NECTIN2: variants seen among roughly 807,000 people sequenced by gnomAD.
NECTIN2 encodes the protein nectin-2.
Under a neutral mutation model 56.9 loss-of-function variants are expected in NECTIN2, and 23 were observed. The observed-to-expected ratio is 0.40, with a 90% CI of 0.29 to 0.57. The LOEUF is 0.57. NECTIN2 is among the 20% of genes least tolerant of loss of function. The probability of loss-of-function intolerance (pLI) is 0.38; values close to 1 mark genes in which losing one functional copy is unlikely to be tolerated. For missense variants in NECTIN2, 587 were observed against 718.3 expected (o/e 0.82, Z 2.09); for synonymous variants, 302 against 313.8 (o/e 0.96, Z 0.40).
At chr19:44,864,568 C>A (rs1188335287) in intron 1 of NECTIN2, among the ~76,000 whole-genome samples, 2 of 152,116 alleles carry the variant, frequency 1.3e-5, no homozygotes, top group Non-Finnish European at 2.9e-5. Context: ...CGCCTGTAAT[C>A]CCAGCACTTT....
intron 1 of NECTIN2, among the ~76,000 whole-genome samples, chr19:44,851,439 C>T (rs928713934): frequency 6.6e-6 from 1 of 152,148 alleles, no homozygotes; most frequent in Non-Finnish European, 1.5e-5. Context: ...CCTCCTTTCT[C>T]AGACCCAGGA....
Position 44,874,002 on chromosome 19 carries a change from A to T in NECTIN2, c.862A>T (p.Asn288Tyr). 5 of 1,613,932 alleles carry T rather than the reference A, an allele frequency of 3.1e-6. No homozygotes were observed. The highest frequency in any genetic ancestry group is 4.2e-6 in the Non-Finnish European group (5 of 1,179,964). The change falls in exon 4 of 9, where the codon AAC (asparagine) becomes TAC (tyrosine). Residue 288 changes from asparagine (N) to tyrosine (Y), a missense_variant. By Grantham distance (143) the Asn-to-Tyr change is moderately radical. Transcript: ENST00000252483. This position sits in a 1 kb window ranked among gnomAD's most constrained non-coding sequence, Gnocchi z 6.3. ...DATLSCDVRS[N>Y]PEPTGYDWST... Reference sequence around the variant, plus strand: ...CACCCTGAGCTGTGACGTCCGCAGCAACCCAGAGCCCACGGGCTATGACTG... The same window carrying T: ...CACCCTGAGCTGTGACGTCCGCAGCTACCCAGAGCCCACGGGCTATGACTG...
At chr19:44,869,469 T>A (rs1158770023) in intron 2 of NECTIN2, among the ~76,000 whole-genome samples, 77 of 151,226 alleles carry the variant, frequency 5.1e-4, no homozygotes, top group Admixed American at 5.1e-3. Flanking sequence ...GGCGGGTGCC[T>A]GTAGTCCCAG....
At chr19:44,851,204 A>G (rs1968895571) in intron 1 of NECTIN2, among the ~76,000 whole-genome samples, 1 of 144,212 alleles carries the variant, frequency 6.9e-6, no homozygotes, top group African/African-American at 2.6e-5. Context: ...CCAGGCCACC[A>G]GTGCTTCCTC....
chr19:44,871,538 ATAAAG>A (rs1969174356), intron 2 of NECTIN2, among the ~76,000 whole-genome samples: 1 of 152,230 alleles, frequency 6.6e-6, no homozygotes, highest in African/African-American at 2.4e-5. Context: ...TAAAAAATAA[ATAAAG>A]TAAAATAAAA....
intron 1 of NECTIN2, among the ~76,000 whole-genome samples, chr19:44,850,609 T>C (rs1293580758): frequency 2.6e-5 from 4 of 152,122 alleles, no homozygotes; most frequent in African/African-American, 9.6e-5. Flanking sequence ...CACACCACAG[T>C]ACTCCACCCT....
In NECTIN2 at chr19:44,874,170, G is replaced by A. The variant is rs1969209643; in HGVS notation, c.893+137G>A. 1.6e-6 allele frequency: 2 copies of A among 1,225,390 alleles called. No homozygotes were observed. The allele number at this position is 1,225,390 out of a possible 1,614,324, so 75.9% of individuals were successfully genotyped here. Reference sequence around the variant, plus strand: ...GGAGGGGCTGGGCCTAAATTCCTAAGTCCTCCAGGATGAAGGGAGCTTGCA... The same window carrying A: ...GGAGGGGCTGGGCCTAAATTCCTAAATCCTCCAGGATGAAGGGAGCTTGCA... On this transcript the variant is annotated intron_variant, in intron 4 of 8. Coordinates refer to ENST00000252483, the MANE Select transcript of NECTIN2 (RefSeq NM_001042724.2). This position sits in a 1 kb window ranked among gnomAD's most constrained non-coding sequence, Gnocchi z 6.3.
chr19:44,862,449 C>T (rs1434341687), intron 1 of NECTIN2, among the ~76,000 whole-genome samples: 1 of 143,378 alleles, frequency 7.0e-6, no homozygotes, highest in African/African-American at 2.6e-5. Context: ...GAAACCTGCA[C>T]ATGTATCCTG....
chr19:44,866,121 G>T (rs748786611), intron 2 of NECTIN2, among the ~76,000 whole-genome samples: 6 of 151,866 alleles, frequency 4.0e-5, no homozygotes, highest in Non-Finnish European at 8.8e-5. Flanking sequence ...GCAGTGAGCC[G>T]AGATTGTGCC....
chr19:44,880,621 C>T (rs1969297937), intron 5 of NECTIN2, among the ~76,000 whole-genome samples: 1 of 148,792 alleles, frequency 6.7e-6, no homozygotes, highest in South Asian at 2.1e-4. Flanking sequence ...TTGAGTAACG[C>T]ACCCAGCCTT....
chr19:44,878,168 G>C (rs1326877152), intron 5 of NECTIN2: 7 of 621,316 alleles, frequency 1.1e-5, no homozygotes, highest in African/African-American at 3.8e-5. Flanking sequence ...AGCGATCCTC[G>C]TGATCTTGTG....
rs542526002 is a variant in NECTIN2, at chr19:44,846,352, C to A, written c.-174C>A. 5.4e-3 allele frequency: 4,161 copies of A among 765,664 alleles called. 19 individuals carry two copies. Among genetic ancestry groups the A allele is most frequent in the Middle Eastern group, 0.012 (30 of 2,442 alleles). The allele number at this position is 765,664 out of a possible 1,614,324, so 47.4% of individuals were successfully genotyped here. A position where few individuals can be genotyped will look rare whatever the true frequency, so the allele number is the denominator to read the frequency against. ...TGAGCGAGAGGCCGGGGGTGCCGAG[C>A]CGGGCGGGGAGAGCTGGGCCGGGAG... On this transcript the variant is annotated 5_prime_UTR_variant, in exon 1 of 9. Coordinates refer to ENST00000252483, the MANE Select transcript of NECTIN2 (RefSeq NM_001042724.2).
intron 6 of NECTIN2, among the ~76,000 whole-genome samples, chr19:44,883,783 C>T (rs1173783975): frequency 6.6e-6 from 1 of 152,074 alleles, no homozygotes; most frequent in Non-Finnish European, 1.5e-5. Context: ...TATGATCATG[C>T]CACTGCACTC....
intron 5 of NECTIN2, chr19:44,878,604 G>A (rs573511987): frequency 8.8e-5 from 141 of 1,601,218 alleles, no homozygotes; most frequent in Middle Eastern, 1.7e-4. Context: ...ATCTCACGGC[G>A]GGCAGTTTAT....
chr19:44,857,693 T>G (rs1968981800), intron 1 of NECTIN2, among the ~76,000 whole-genome samples: 1 of 147,410 alleles, frequency 6.8e-6, no homozygotes, highest in African/African-American at 2.5e-5. Context: ...TGAGCCATCG[T>G]GCCGGGTTTT....
rs372774527 is a variant in NECTIN2, at chr19:44,865,235, C to T, written c.89-36C>T. On this transcript the variant is annotated intron_variant, in intron 1 of 8. Coordinates refer to ENST00000252483, the MANE Select transcript of NECTIN2 (RefSeq NM_001042724.2). This position sits in a 1 kb window ranked among gnomAD's most constrained non-coding sequence, Gnocchi z 5.2. ...CCTGGAGGTGTCTGGGTCCCTCCCC[C>T]ACCCGACTACTTCACTCTCTGTCCT... The T allele has an allele frequency of 6.4e-6, 10 of 1,562,262 alleles. No homozygotes were observed. The highest frequency in any genetic ancestry group is 3.5e-5 in the Admixed American group (2 of 56,504).
rs751409931 is a variant in NECTIN2 at position 44,874,521 on chromosome 19, TC to T, written c.1042+47del. The T allele has an allele frequency of 5.6e-6, 9 of 1,604,920 alleles. No individual in the cohort carries two copies. In the African/African-American group the frequency reaches 8.0e-5, roughly 14 times the overall value. ...GCCGTGTGTGGAGACCTGGGTCCGC[TC>T]CCCTGGAGTTCTGCCCTTCAGGACT... On this transcript the variant is annotated intron_variant, in intron 5 of 8. Coordinates refer to ENST00000252483, the MANE Select transcript of NECTIN2 (RefSeq NM_001042724.2). The surrounding 1 kb of genome is among the most constrained non-coding windows in gnomAD (Gnocchi z 6.3).
Position 44,885,954 on chromosome 19 carries a change from C to T in NECTIN2, c.1214C>T (p.Ser405Phe). 6.3e-7 allele frequency: 1 copy of T among 1,595,596 alleles called. No homozygotes were observed. The highest frequency in any genetic ancestry group is 8.6e-7 in the Non-Finnish European group (1 of 1,163,308). Residue 405 changes from serine (S) to phenylalanine (F), a missense_variant, in exon 7 of 9, where the codon TCC (serine) becomes TTC (phenylalanine). Transcript: ENST00000252483. ...CCCCACAGCCTGGAGGGACCTCCCT[C>T]CTACAAGCCACCGACCCCAAAAGCG... ...EEDEDLEGPP[S>F]YKPPTPKAKL... is the part of the protein sequence containing the mutation.
At chr19:44,877,984 CT>C (rs1969258891) in intron 5 of NECTIN2, among the ~76,000 whole-genome samples, 1 of 152,110 alleles carries the variant, frequency 6.6e-6, no homozygotes, top group Admixed American at 6.5e-5. Context: ...TGGCATCCCC[CT>C]CCTTGTACAA....
Sources: allele counts gnomAD v4.1 joint callset (sites outside exome capture counted in the v4.1 genomes callset), GRCh38; gene constraint gnomAD v4.1.1; non-coding constraint Gnocchi (gnomAD v3.1); transcripts MANE v1.5; gene names NCBI Gene and HGNC (gene_info 2026-07-23, HGNC 2026-07-21).